SLC8A1: variants seen among roughly 807,000 people sequenced by gnomAD.
The protein encoded by SLC8A1 is solute carrier family 8 member A1.
Under a neutral mutation model 68.3 loss-of-function variants are expected in SLC8A1, and 18 were observed. The ratio of observed to expected loss-of-function variants is 0.26; its 90% CI spans 0.18 to 0.39. SLC8A1 has a LOEUF of 0.39. Among genes scored for constraint, SLC8A1 ranks in the 10% least tolerant of loss-of-function variants. SLC8A1 has a pLI of 1.00. For missense variants in SLC8A1, 985 were observed against 1,156.7 expected (o/e 0.85, Z 2.15); for synonymous variants, 475 against 415.5 (o/e 1.14, Z -1.74).
Position 40,186,383 on chromosome 2 carries a change from T to G in SLC8A1, c.1809-8528A>C, listed in dbSNP as rs6715955. Among the ~76,000 whole-genome samples, 413 of 152,270 alleles carry G rather than the reference T, an allele frequency of 2.7e-3. 1 individual carries two copies. Among genetic ancestry groups the G allele is most frequent in the African/African-American group, 9.7e-3 (401 of 41,550 alleles). On this transcript the variant is annotated intron_variant, in intron 2 of 7. Coordinates refer to ENST00000406785, the Ensembl canonical transcript of SLC8A1. ...TAAGCCTTTTTTTCCTTTCAAAAGT[T>G]GATTGGTGAGTTGCTTACTGATTTG...
chr2:40,171,768 C>A (rs146032402), intron 4 of SLC8A1, among the ~76,000 whole-genome samples: 14 of 152,274 alleles, frequency 9.2e-5, no homozygotes, highest in African/African-American at 3.4e-4. Flanking sequence ...TTTACAAACT[C>A]TAATGAGTTA....
chr2:40,162,008 C>A (rs986606259), intron 5 of SLC8A1, among the ~76,000 whole-genome samples: 1 of 152,154 alleles, frequency 6.6e-6, no homozygotes, highest in Admixed American at 6.5e-5. Flanking sequence ...TAATATCAAG[C>A]ATGTTTGCTC....
chr2:40,395,295 T>C (rs922961186), intron 2 of SLC8A1, among the ~76,000 whole-genome samples: 2 of 152,136 alleles, frequency 1.3e-5, no homozygotes, highest in Admixed American at 1.3e-4. Flanking sequence ...CTACATTCTT[T>C]CTAGTATTAG....
At chr2:40,131,461 C>G (rs879488509) in intron 7 of SLC8A1, among the ~76,000 whole-genome samples, 1 of 152,224 alleles carries the variant, frequency 6.6e-6, no homozygotes, top group African/African-American at 2.4e-5. Flanking sequence ...GCTCAGAATT[C>G]AGAATGACTG....
chr2:40,272,380 C>T (rs994120431), intron 2 of SLC8A1, among the ~76,000 whole-genome samples: 1 of 152,198 alleles, frequency 6.6e-6, no homozygotes, highest in Non-Finnish European at 1.5e-5. Flanking sequence ...AGGTTCTACC[C>T]ACACTCCCAC....
intron 2 of SLC8A1, among the ~76,000 whole-genome samples, chr2:40,375,305 TTGG>T (rs1166795353): frequency 6.6e-6 from 1 of 152,066 alleles, no homozygotes; most frequent in Non-Finnish European, 1.5e-5. Context: ...ACTCAAAATA[TTGG>T]TAATATTTAT....
intron 1 of SLC8A1, among the ~76,000 whole-genome samples, chr2:40,468,046 G>A (rs1703794406): frequency 6.6e-6 from 1 of 151,950 alleles, no homozygotes; most frequent in African/African-American, 2.4e-5. Context: ...TTTAAACATT[G>A]AGATATTATG....
In SLC8A1 at chr2:40,178,246, T is replaced by C. The variant is rs900314741; in HGVS notation, c.1809-391A>G. The C allele has an allele frequency of 4.3e-6, 3 of 702,702 alleles. No homozygotes were observed. The African/African-American group carries it at 5.3e-5, about 12-fold the overall frequency. 43.5% of individuals were successfully genotyped at this position (702,702 alleles called of 1,614,324 possible). ...GATGTAGCTACAGGCCTGCCTACTG[T>C]GGCTCAGCATGAGATCTGTGCCCTG... On this transcript the variant is annotated intron_variant, in intron 2 of 7. Transcript: ENST00000406785.
At chr2:40,486,300 C>A (rs1236062475) in intron 1 of SLC8A1, among the ~76,000 whole-genome samples, 1 of 152,144 alleles carries the variant, frequency 6.6e-6, no homozygotes, top group East Asian at 1.9e-4. Context: ...TGAGAACAGA[C>A]TAATACATGA....
intron 2 of SLC8A1, among the ~76,000 whole-genome samples, chr2:40,394,456 C>A (rs199872176): frequency 1.3e-5 from 2 of 150,390 alleles, no homozygotes; most frequent in Non-Finnish European, 3.0e-5. Context: ...TGTGTGTGTG[C>A]GTGTGTGTGT....
intron 2 of SLC8A1, among the ~76,000 whole-genome samples, chr2:40,243,928 G>A (rs367804691): frequency 6.1e-4 from 93 of 152,280 alleles, no homozygotes; most frequent in African/African-American, 2.2e-3. Flanking sequence ...TGAAACTGGA[G>A]CAACGTAAGA....
intron 1 of SLC8A1, among the ~76,000 whole-genome samples, chr2:40,443,552 A>G (rs1484710933): frequency 6.6e-6 from 1 of 152,184 alleles, no homozygotes; most frequent in Non-Finnish European, 1.5e-5. Context: ...CATGTTTGGA[A>G]GGGACAAAAA....
chr2:40,348,809 G>C (rs1264240674), intron 2 of SLC8A1, among the ~76,000 whole-genome samples: 4 of 152,110 alleles, frequency 2.6e-5, no homozygotes, highest in Non-Finnish European at 5.9e-5. Flanking sequence ...GGAAAGAAGT[G>C]GGTCAGTCTC....
At chr2:40,295,227 G>T (rs1463510408) in intron 2 of SLC8A1, among the ~76,000 whole-genome samples, 2 of 152,024 alleles carry the variant, frequency 1.3e-5, no homozygotes, top group Non-Finnish European at 2.9e-5. Context: ...AGCCTCTGGA[G>T]TAGCTGGGAC....
chr2:40,374,661 A>G (rs779282524), intron 2 of SLC8A1, among the ~76,000 whole-genome samples: 2 of 152,004 alleles, frequency 1.3e-5, no homozygotes, highest in Non-Finnish European at 2.9e-5. Flanking sequence ...GGTGGCAGAC[A>G]GAATAAGAAC....
intron 2 of SLC8A1, among the ~76,000 whole-genome samples, chr2:40,247,819 G>T (rs939703856): frequency 3.3e-5 from 5 of 152,154 alleles, no homozygotes; most frequent in African/African-American, 1.2e-4. Flanking sequence ...CAGAAGTTAA[G>T]TGACTTTCTG....
chr2:40,457,240 C>A (rs1703074767), intron 1 of SLC8A1, among the ~76,000 whole-genome samples: 1 of 152,190 alleles, frequency 6.6e-6, no homozygotes, highest in Admixed American at 6.5e-5. Flanking sequence ...TTCAAGGACT[C>A]TTCATCAAAT....
At chr2:40,370,899 GAA>G (rs1677811183) in intron 2 of SLC8A1, among the ~76,000 whole-genome samples, 1 of 152,042 alleles carries the variant, frequency 6.6e-6, no homozygotes, top group Non-Finnish European at 1.5e-5. Flanking sequence ...CAAAGCTCAT[GAA>G]GCCAAGGTCA....
intron 2 of SLC8A1, among the ~76,000 whole-genome samples, chr2:40,234,235 G>A (rs1337314975): frequency 6.6e-6 from 1 of 151,906 alleles, no homozygotes; most frequent in South Asian, 2.1e-4. Context: ...CCATGAGCAT[G>A]GAATGTTCTT....
Sources: gnomAD v4.1 joint callset for allele counts (sites outside exome capture counted in the v4.1 genomes callset) on GRCh38, gnomAD v4.1.1 for gene constraint, MANE v1.5 for transcripts, NCBI Gene and HGNC (gene_info 2026-07-23, HGNC 2026-07-21) for gene names.